The following PLB1 variants were observed in gnomAD, a reference collection of about 807,000 sequenced individuals.
PLB1 encodes the protein phospholipase B1, membrane-associated.
Under a neutral mutation model 227.4 loss-of-function variants are expected in PLB1, and 242 were observed. The ratio of observed to expected loss-of-function variants is 1.06; its 90% CI spans 0.96 to 1.18. The LOEUF (loss-of-function observed/expected upper bound fraction) is 1.18, where lower values mean the gene tolerates loss of function less well. Ranked by LOEUF, PLB1 falls within the 50% of genes most tolerant of loss-of-function variation. The pLI, the probability that PLB1 is intolerant of heterozygous loss-of-function variation, is 0.00. For synonymous variants in PLB1, 757 were observed against 682.2 expected, an observed-to-expected ratio of 1.11 and a Z score of -1.71; for missense variants, 1,858 against 1,816.3, an observed-to-expected ratio of 1.02 and a Z score of -0.42.
chr2:28,567,398 C>T (rs1353893544), intron 20 of PLB1, among the ~76,000 whole-genome samples: 1 of 151,654 alleles, frequency 6.6e-6, no homozygotes, highest in Admixed American at 6.6e-5. Context: ...GCTGTGCAGA[C>T]ACAGCCATTT....
chr2:28,543,899 G>T (rs1672855052), intron 14 of PLB1, among the ~76,000 whole-genome samples: 1 of 152,226 alleles, frequency 6.6e-6, no homozygotes, highest in South Asian at 2.1e-4. Context: ...GGCCCCCAGG[G>T]ATATCTGGGA....
rs371481635 is a variant in PLB1, at chr2:28,585,859, T to C, written c.1815+17T>C. Reference sequence around the variant, plus strand: ...AAGTTTCAGGTAAGCCGGGAAGGGGTTCTAAGACTTCCCAGAACTGCTGTG... The same window carrying C: ...AAGTTTCAGGTAAGCCGGGAAGGGGCTCTAAGACTTCCCAGAACTGCTGTG... On this transcript the variant is annotated intron_variant, in intron 26 of 57. Coordinates refer to ENST00000327757, the MANE Select transcript of PLB1 (RefSeq NM_153021.5). 5.8e-6 allele frequency: 9 copies of C among 1,560,764 alleles called. No individual in the cohort carries two copies. Among genetic ancestry groups the C allele is most frequent in the Non-Finnish European group, 7.1e-6 (8 of 1,131,844 alleles).
Position 28,532,176 on chromosome 2 carries a change from G to C in PLB1, c.537G>C (p.Leu179=). ...VFFSNASQCY[L]CPSAQQNGLA... ...TCAGTAATGCAAGCCAGTGTTACCT[G>C]TGCCCCTCTGCTCAACAGGTAAATG... Residue 179 remains leucine, a synonymous_variant, in exon 9 of 58, where the codon CTG becomes CTC. Coordinates refer to ENST00000327757, the MANE Select transcript of PLB1 (RefSeq NM_153021.5). The C allele has an allele frequency of 6.2e-7, 1 of 1,612,560 alleles. No homozygotes were observed. Among genetic ancestry groups the C allele is most frequent in the African/African-American group, 1.3e-5 (1 of 74,984 alleles).
At chr2:28,537,962 G>C (rs372247724) in intron 9 of PLB1, among the ~76,000 whole-genome samples, 43 of 152,240 alleles carry the variant, frequency 2.8e-4, no homozygotes, top group African/African-American at 1.0e-3. Flanking sequence ...GGGAAAAAGC[G>C]ATTCCTCAAG....
At chr2:28,562,765 G>C (rs921555987) in intron 17 of PLB1, among the ~76,000 whole-genome samples, 1 of 151,894 alleles carries the variant, frequency 6.6e-6, no homozygotes, top group Non-Finnish European at 1.5e-5. Context: ...CACCAAATGC[G>C]AGCACAGCTC....
rs765353341 is a variant in PLB1, at chr2:28,516,872, A to G, written c.117+3A>G. On this transcript the variant is annotated splice_donor_region_variant and intron_variant, in intron 2 of 57. Transcript: ENST00000327757. ...TGGAAGGGCAGCTATGGCCAGAGGTAAGGGCTTTGGCTGGTGGGAGGTGCG... is the reference window on the plus strand; with the variant it reads ...TGGAAGGGCAGCTATGGCCAGAGGTGAGGGCTTTGGCTGGTGGGAGGTGCG... 3 of 1,613,254 alleles carry G rather than the reference A, an allele frequency of 1.9e-6. No individual in the cohort carries two copies. In the South Asian group the frequency reaches 3.3e-5, roughly 18 times the overall value.
At chr2:28,512,786 A>G (rs1314907957) in intron 1 of PLB1, among the ~76,000 whole-genome samples, 2 of 151,598 alleles carry the variant, frequency 1.3e-5, no homozygotes, top group African/African-American at 4.9e-5. Context: ...GTGCTCAAAC[A>G]CCTTGAGACC....
At chr2:28,551,654 CTT>C (rs1674278846) in intron 16 of PLB1, among the ~76,000 whole-genome samples, 2 of 152,210 alleles carry the variant, frequency 1.3e-5, no homozygotes, top group Non-Finnish European at 2.9e-5. Context: ...GATGCAGACT[CTT>C]TCACTTATGG....
In PLB1 at chr2:28,518,316, G is replaced by T. The variant is rs1005561354; in HGVS notation, c.118-150G>T. 9.1e-6 allele frequency: 6 copies of T among 656,564 alleles called. No individual in the cohort carries two copies. In the East Asian group the frequency reaches 1.6e-4, roughly 18 times the overall value. 40.7% of individuals were successfully genotyped at this position (656,564 alleles called of 1,614,324 possible). ...TTTTACCAGATGAACTGGGTATGGGGTTAGGAGAAAATGACTATGGGCAAT... is the reference window on the plus strand; with the variant it reads ...TTTTACCAGATGAACTGGGTATGGGTTTAGGAGAAAATGACTATGGGCAAT... On this transcript the variant is annotated intron_variant, in intron 2 of 57. Transcript: ENST00000327757.
intron 55 of PLB1, 29 bp from the exon 56 acceptor site, chr2:28,632,915 G>C: frequency 1.9e-6 from 3 of 1,573,174 alleles, no homozygotes; most frequent in Non-Finnish European, 2.6e-6. Context: ...CCTTTCCCAG[G>C]ATGATAACCT....
chr2:28,538,465 C>A (rs1317541079), intron 10 of PLB1, 84 bp downstream of exon 10: 2 of 1,297,592 alleles, frequency 1.5e-6, no homozygotes, highest in African/African-American at 1.5e-5. Context: ...GGGAAATGGA[C>A]CCCTGTGAGG....
At chr2:28,502,630 A>G (rs747448697) in intron 1 of PLB1, among the ~76,000 whole-genome samples, 37 of 152,216 alleles carry the variant, frequency 2.4e-4, no homozygotes, top group Middle Eastern at 3.4e-3. Context: ...TTAGTTTGCT[A>G]ACAATTGTTT....
intron 35 of PLB1, among the ~76,000 whole-genome samples, 174 bp downstream of exon 35, chr2:28,598,934 G>T (rs191278961): frequency 1.5e-3 from 230 of 152,332 alleles, no homozygotes; most frequent in Middle Eastern, 6.8e-3. Flanking sequence ...GGCCAGAGAG[G>T]CTGTGGCCTT....
chr2:28,630,574 CCT>C lies in PLB1; in HGVS notation c.3819-11_3819-10del, dbSNP rs372099805. On this transcript the variant is annotated splice_polypyrimidine_tract_variant and intron_variant, in intron 53 of 57. Coordinates refer to ENST00000327757, the MANE Select transcript of PLB1 (RefSeq NM_153021.5). The stretch of plus-strand genomic sequence containing the variant: ...CCCAGGCAGCCTCAATACAACACTC[CCT>C]GTCTCACAGGAACAACTGCACTTGC... 6.7e-4 allele frequency: 1,073 copies of C among 1,612,574 alleles called. 8 individuals are homozygous for C. In the African/African-American group the frequency reaches 0.012, roughly 18 times the overall value.
chr2:28,514,108 A>G (rs527875443), intron 1 of PLB1, among the ~76,000 whole-genome samples: 8 of 152,326 alleles, frequency 5.3e-5, no homozygotes, highest in South Asian at 2.1e-4. Flanking sequence ...TTAGAATGCT[A>G]CTATTTAAAG....
intron 49 of PLB1, among the ~76,000 whole-genome samples, chr2:28,624,834 T>C (rs769304402): frequency 7.2e-5 from 11 of 152,084 alleles, no homozygotes; most frequent in Non-Finnish European, 1.6e-4. Context: ...CCAACCCGAG[T>C]GGCCGATGAG....
intron 45 of PLB1, 112 bp from the exon 46 acceptor site, chr2:28,618,229 A>T: frequency 9.9e-7 from 1 of 1,014,514 alleles, no homozygotes; most frequent in Non-Finnish European, 1.5e-6. Context: ...TAAGCTGAAA[A>T]TAAGTACAAT....
rs74544108 is a variant in PLB1 at position 28,552,043 on chromosome 2, G to A, written c.1084-885G>A. Among the ~76,000 whole-genome samples, 1,097 of 152,270 alleles carry A rather than the reference G, an allele frequency of 7.2e-3. 18 individuals are homozygous for A. The highest frequency in any genetic ancestry group is 0.025 in the African/African-American group (1,045 of 41,558). Reference sequence around the variant, plus strand: ...AAAATGTAAATAAAAAATAGGACTTGTCCCAAGGAACTCAGTCTGGTAGAG... The same window carrying A: ...AAAATGTAAATAAAAAATAGGACTTATCCCAAGGAACTCAGTCTGGTAGAG... On this transcript the variant is annotated intron_variant, in intron 16 of 57. Coordinates refer to ENST00000327757, the MANE Select transcript of PLB1 (RefSeq NM_153021.5).
chr2:28,503,471 A>G (rs1165843530), intron 1 of PLB1, among the ~76,000 whole-genome samples: 10 of 152,238 alleles, frequency 6.6e-5, no homozygotes, highest in Admixed American at 6.5e-4. Context: ...CTTCTATGTC[A>G]CCGTTCTCTA....
Sources: gnomAD v4.1 joint callset for allele counts (sites outside exome capture counted in the v4.1 genomes callset) on GRCh38, gnomAD v4.1.1 for gene constraint, MANE v1.5 for transcripts, NCBI Gene and HGNC (gene_info 2026-07-23, HGNC 2026-07-21) for gene names.